GET4: variants seen among roughly 807,000 people sequenced by gnomAD.
GET4 encodes guided entry of tail-anchored proteins factor 4.
GET4 carries 20 observed loss-of-function variants against 40.0 expected under a neutral mutation model. That is an observed-to-expected ratio of 0.50 (90% confidence interval 0.35 to 0.73). The LOEUF is 0.73. GET4 is among the 30% of genes least tolerant of loss of function. The pLI is 0.01. For synonymous variants in GET4, 280 were observed against 194.6 expected (o/e 1.44, Z -3.65); for missense variants, 557 against 454.0 (o/e 1.23, Z -2.06).
intron 3 of GET4, 155 bp from the exon 4 acceptor site, chr7:887,215 G>A: frequency 1.2e-6 from 1 of 821,068 alleles, no homozygotes. Flanking sequence ...GCGGTGGGCA[G>A]CTCAGTGTGG....
At chr7:893,713 G>C in intron 6 of GET4, 27 bp from the exon 7 acceptor site, 1 of 1,512,416 alleles carries the variant, frequency 6.6e-7, no homozygotes, top group South Asian at 1.2e-5. Flanking sequence ...TGCTCACCCA[G>C]CACATCCCTG....
In GET4 at chr7:886,613, G is replaced by C. The variant is rs771017190; in HGVS notation, c.279G>C (p.Leu93=). ...ADLSMLVLES[L]EKAEVEVADE... ...TGTCCATGCTGGTCCTGGAGTCCCT[G>C]GAGAAGGCGGAAGTGGAGGTGGCTG... The change falls in exon 3 of 9, where the codon CTG becomes CTC. Residue 93 remains leucine (L), a synonymous_variant. Transcript: ENST00000265857. 6.2e-7 allele frequency: 1 copy of C among 1,613,262 alleles called. No homozygotes were observed. The highest frequency in any genetic ancestry group is 8.5e-7 in the Non-Finnish European group (1 of 1,179,738).
intron 6 of GET4, among the ~76,000 whole-genome samples, chr7:892,800 T>A (rs1844358724): frequency 6.7e-6 from 1 of 149,212 alleles, no homozygotes; most frequent in Non-Finnish European, 1.5e-5. Flanking sequence ...TATACAGGTG[T>A]GAGTGCAGGT....
Position 895,476 on chromosome 7 carries a change from C to T in GET4, c.*54C>T. 4.3e-6 allele frequency: 4 copies of T among 938,486 alleles called. No individual in the cohort carries two copies. The highest frequency in any genetic ancestry group is 6.8e-6 in the Non-Finnish European group (4 of 584,000). The allele number at this position is 938,486 out of a possible 1,614,324, so 58.1% of individuals were successfully genotyped here. On this transcript the variant is annotated 3_prime_UTR_variant, in exon 9 of 9. Transcript: ENST00000265857. Reference sequence around the variant, plus strand: ...GTCGACGACGGCTGGAGGGACGTTTCAGAGGCGAGTCCTGGGTGGCTCCTC... The same window carrying T: ...GTCGACGACGGCTGGAGGGACGTTTTAGAGGCGAGTCCTGGGTGGCTCCTC...
intron 4 of GET4, among the ~76,000 whole-genome samples, chr7:889,109 C>T (rs1369375288): frequency 8.5e-5 from 13 of 152,268 alleles, no homozygotes; most frequent in African/African-American, 3.1e-4. Context: ...TCCCCACCCA[C>T]CACGGGATCA....
Position 887,351 on chromosome 7 carries a change from G to C in GET4, c.317-19G>C. ...GAGTGGCCGTGCGTTCCTCTGATGA[G>C]GGTCTGTGCTGTTTGCAGAAAATCT... On this transcript the variant is annotated intron_variant, in intron 3 of 8. Coordinates refer to ENST00000265857, the MANE Select transcript of GET4 (RefSeq NM_015949.3). 6.4e-7 allele frequency: 1 copy of C among 1,571,448 alleles called. No homozygotes were observed. The highest frequency in any genetic ancestry group is 2.3e-5 in the East Asian group (1 of 44,276).
intron 4 of GET4, among the ~76,000 whole-genome samples, chr7:890,586 G>A (rs1334627583): frequency 6.6e-6 from 1 of 152,056 alleles, no homozygotes; most frequent in East Asian, 1.9e-4. Flanking sequence ...ATTATATTGC[G>A]CCCTGTAAGT....
chr7:892,591 C>G, intron 6 of GET4, 173 bp downstream of exon 6: 1 of 607,180 alleles, frequency 1.6e-6, no homozygotes, highest in Non-Finnish European at 2.8e-6. Flanking sequence ...GGTGTGTGTG[C>G]AGGTCTGTTG....
rs988603607 is a variant in GET4 at position 884,128 on chromosome 7, C to T, written c.156-1928C>T. 111 of 1,232,758 alleles carry T rather than the reference C, an allele frequency of 9.0e-5. 2 individuals are homozygous for T. In the South Asian group the frequency reaches 1.0e-3, roughly 11 times the overall value. 76.4% of individuals were successfully genotyped at this position (1,232,758 alleles called of 1,614,324 possible). ...TTCTAAGTCGCCACCTCTTGCTTTA[C>T]CTCAGATAGAAGCATCCAGAACGCT... On this transcript the variant is annotated intron_variant, in intron 1 of 8. Transcript: ENST00000265857.
At chr7:888,681 C>A (rs146581989) in intron 4 of GET4, among the ~76,000 whole-genome samples, 2 of 152,262 alleles carry the variant, frequency 1.3e-5, no homozygotes, top group African/African-American at 4.8e-5. Context: ...GCTGGTGCCT[C>A]CGTGGCCCCT....
intron 1 of GET4, chr7:879,918 G>A (rs1399123226): frequency 4.6e-5 from 7 of 152,262 alleles, no homozygotes; most frequent in Admixed American, 4.6e-4. Context: ...GGTGTCAGGA[G>A]GCACTAAACC....
chr7:884,547 G>A (rs528147095), intron 1 of GET4: 84 of 350,088 alleles, frequency 2.4e-4, no homozygotes, highest in Middle Eastern at 1.0e-3. Flanking sequence ...AGCACGAAGC[G>A]GTCTCCTGTG....
chr7:895,202 C>T, intron 8 of GET4, 132 bp from the exon 9 acceptor site: 3 of 559,808 alleles, frequency 5.4e-6, no homozygotes, highest in Middle Eastern at 2.8e-4. Context: ...GGGTCGTAGA[C>T]AGTAGCGATG....
At chr7:876,854 T>G in intron 1 of GET4, 54 bp downstream of exon 1, 1 of 1,001,758 alleles carries the variant, frequency 1.0e-6, no homozygotes, top group East Asian at 5.5e-5. Flanking sequence ...CCGCCTCCCA[T>G]TGGCCGCGCC....
intron 8 of GET4, 71 bp from the exon 9 acceptor site, chr7:895,263 G>A (rs1056536385): frequency 9.5e-6 from 7 of 733,898 alleles, no homozygotes; most frequent in Non-Finnish European, 7.2e-6. Flanking sequence ...TGAGACGTTT[G>A]TGGGAAGGAG....
intron 8 of GET4, among the ~76,000 whole-genome samples, 156 bp from the exon 9 acceptor site, chr7:895,164 CTCCAGAGTGTCCTG>C (rs1187686554): frequency 6.6e-6 from 1 of 151,016 alleles, no homozygotes; most frequent in Non-Finnish European, 1.5e-5. Context: ...GCTCCCTGGC[CTCCAGAGTGTCCTG>C]TCCCGGGGTT....
intron 8 of GET4, among the ~76,000 whole-genome samples, chr7:895,062 G>C (rs1007623856): frequency 6.6e-6 from 1 of 151,554 alleles, no homozygotes; most frequent in South Asian, 2.1e-4. Context: ...AGGCCCCCGT[G>C]GCTGCTCCAT....
chr7:887,406 A>T lies in GET4; in HGVS notation c.353A>T (p.Asn118Ile). Reference protein sequence around the residue: ...LAKVFSLMDPNSPERVTFVSR... With the variant: ...LAKVFSLMDPISPERVTFVSR... The stretch of plus-strand genomic sequence containing the variant: ...AAAGTGTTCAGCCTGATGGACCCCA[A>T]CTCTCCTGAGCGCGTGACCTTTGTG... The change falls in exon 4 of 9, where the codon AAC becomes ATC. Residue 118 changes from asparagine (N) to isoleucine (I), a missense_variant. By Grantham distance (149) the Asn-to-Ile change is moderately radical. Coordinates refer to ENST00000265857, the MANE Select transcript of GET4 (RefSeq NM_015949.3). 1 of 1,600,066 alleles carries T rather than the reference A, an allele frequency of 6.2e-7. No individual in the cohort carries two copies. Among genetic ancestry groups the T allele is most frequent in the Non-Finnish European group, 8.5e-7 (1 of 1,171,402 alleles).
Position 893,965 on chromosome 7 carries a change from C to G in GET4, c.889C>G (p.Leu297Val), listed in dbSNP as rs756974665. 6 of 1,595,472 alleles carry G rather than the reference C, an allele frequency of 3.8e-6. No individual in the cohort carries two copies. Among genetic ancestry groups the G allele is most frequent in the East Asian group, 2.2e-5 (1 of 44,550 alleles). The change falls in exon 8 of 9, where the codon CTG becomes GTG. Residue 297 changes from leucine (L) to valine (V), a missense_variant. By Grantham distance (32) the Leu-to-Val change is conservative. Transcript: ENST00000265857. ...CAAGCAGACGTCTTCCTACGGGGGC[C>G]TGCTCGGTAAGCCGGGGCGCCCTTG... ...PPKQTSSYGG[L>V]LGNLLTSLMG...
Sources: allele counts gnomAD v4.1 joint callset (sites outside exome capture counted in the v4.1 genomes callset), GRCh38; gene constraint gnomAD v4.1.1; transcripts MANE v1.5; gene names NCBI Gene and HGNC (gene_info 2026-07-23, HGNC 2026-07-21).